Variants in CMSS1 observed in about 807,000 individuals in gnomAD.
The protein encoded by CMSS1 is protein CMSS1.
A neutral mutation model predicts 43.5 loss-of-function variants in CMSS1; 33 were observed. The ratio of observed to expected loss-of-function variants is 0.76; its 90% CI spans 0.57 to 1.01. The LOEUF is 1.01. CMSS1 is among the 50% of genes least tolerant of loss of function. CMSS1 has a pLI of 0.00. For synonymous variants in CMSS1, 115 were observed against 117.2 expected, an observed-to-expected ratio of 0.98 and a Z score of 0.12; for missense variants, 313 against 326.4, an observed-to-expected ratio of 0.96 and a Z score of 0.32.
At chr3:99,995,738 G>A (rs147160495) in intron 1 of CMSS1, among the ~76,000 whole-genome samples, 86 of 152,320 alleles carry the variant, frequency 5.6e-4, no homozygotes, top group African/African-American at 1.9e-3. Context: ...TCAACACCAC[G>A]TGGAAGCTGC....
chr3:100,119,674 A>G (rs931730761), intron 1 of CMSS1, among the ~76,000 whole-genome samples: 2 of 152,252 alleles, frequency 1.3e-5, no homozygotes, highest in African/African-American at 2.4e-5. Context: ...AAGCAACTTC[A>G]GAACAGCATC....
chr3:99,839,780 A>G (rs1943049976), intron 1 of CMSS1, among the ~76,000 whole-genome samples: 1 of 152,220 alleles, frequency 6.6e-6, no homozygotes, highest in East Asian at 1.9e-4. Context: ...CAATTATGCA[A>G]CAAAACTCTT....
intron 1 of CMSS1, among the ~76,000 whole-genome samples, chr3:99,919,089 G>T (rs1376442926): frequency 6.6e-6 from 1 of 152,054 alleles, no homozygotes; most frequent in South Asian, 2.1e-4. Context: ...TATACCCACT[G>T]TGTATTGCTT....
At chr3:100,041,596 TA>T (rs1405874820) in intron 1 of CMSS1, among the ~76,000 whole-genome samples, 1 of 150,596 alleles carries the variant, frequency 6.6e-6, no homozygotes, top group Non-Finnish European at 1.5e-5. Flanking sequence ...ACAAAAAAAA[TA>T]AAAATAAAAA....
At chr3:100,040,790 A>T (rs2065191810) in intron 1 of CMSS1, 1 of 152,196 alleles carries the variant, frequency 6.6e-6, no homozygotes, top group Non-Finnish European at 1.5e-5. Context: ...CATCACAGCC[A>T]AGTTGACATT....
intron 1 of CMSS1, among the ~76,000 whole-genome samples, chr3:100,054,529 T>TGTTATGTC (rs2065430623): frequency 1.3e-5 from 2 of 151,592 alleles, no homozygotes; most frequent in Admixed American, 1.3e-4. Context: ...TATGTTATGT[T>TGTTATGTC]ATGTTATGTT....
At chr3:99,995,654 C>T (rs1261435496) in intron 1 of CMSS1, among the ~76,000 whole-genome samples, 2 of 152,214 alleles carry the variant, frequency 1.3e-5, no homozygotes, top group South Asian at 2.1e-4. Context: ...GGCATCCAGG[C>T]GTTTCCATAC....
At chr3:100,158,519 A>G (rs1482900940) in intron 2 of CMSS1, among the ~76,000 whole-genome samples, 3 of 152,242 alleles carry the variant, frequency 2.0e-5, no homozygotes, top group Non-Finnish European at 4.4e-5. Flanking sequence ...GGATTTCTCC[A>G]TAAAGTCATC....
chr3:99,836,332 T>C (rs1942894018), intron 1 of CMSS1, among the ~76,000 whole-genome samples: 1 of 152,130 alleles, frequency 6.6e-6, no homozygotes, highest in Non-Finnish European at 1.5e-5. Flanking sequence ...GGGAAGGTGA[T>C]GGACCATCAA....
chr3:99,944,990 G>A (rs1559698555), intron 1 of CMSS1, among the ~76,000 whole-genome samples: 1 of 152,188 alleles, frequency 6.6e-6, no homozygotes, highest in Admixed American at 6.5e-5. Context: ...CTAGGCAGTA[G>A]GGAGGGAGTT....
intron 1 of CMSS1, among the ~76,000 whole-genome samples, chr3:99,870,616 G>T (rs1944740201): frequency 6.6e-6 from 1 of 152,080 alleles, no homozygotes; most frequent in Non-Finnish European, 1.5e-5. Context: ...TTAGTTGCTG[G>T]GCCTGTTTTC....
intron 1 of CMSS1, among the ~76,000 whole-genome samples, chr3:100,125,586 C>A (rs1282206982): frequency 1.3e-5 from 2 of 152,214 alleles, no homozygotes; most frequent in African/African-American, 4.8e-5. Context: ...TAATTAATTT[C>A]ATATGACATA....
intron 7 of CMSS1, 21 bp downstream of exon 7, chr3:100,171,920 T>A (rs567692676): frequency 1.9e-6 from 3 of 1,591,384 alleles, no homozygotes; most frequent in African/African-American, 2.7e-5. Flanking sequence ...GCCTGTGTGA[T>A]CCCTAAAGGC....
chr3:100,139,571 A>G (rs1441129155), intron 1 of CMSS1, among the ~76,000 whole-genome samples: 6 of 144,110 alleles, frequency 4.2e-5, no homozygotes, highest in Admixed American at 1.4e-4. Flanking sequence ...GTGTGTATGT[A>G]TATATATGTG....
At chr3:99,898,718 A>T (rs1279499089) in intron 1 of CMSS1, 2 of 154,782 alleles carry the variant, frequency 1.3e-5, no homozygotes, top group African/African-American at 4.9e-5. Flanking sequence ...GTGAGCCAAG[A>T]TCATGCCATT....
rs1344596725 is a variant in CMSS1 at position 99,853,586 on chromosome 3, A to C, written c.64+35543A>C. Among the ~76,000 whole-genome samples the C allele has an allele frequency of 2.6e-5, 4 of 152,236 alleles. No homozygotes were observed. The South Asian group carries it at 6.2e-4, about 24-fold the overall frequency. The stretch of plus-strand genomic sequence containing the variant: ...TTTGTTCAGTGTTTTTGGAGTAGGC[A>C]TGATGCATATTTTTCAGCCTGGGGC... On this transcript the variant is annotated intron_variant, in intron 1 of 9. Transcript: ENST00000421999.
intron 1 of CMSS1, among the ~76,000 whole-genome samples, chr3:99,929,354 T>C (rs1385561683): frequency 2.0e-5 from 3 of 152,254 alleles, no homozygotes; most frequent in South Asian, 4.1e-4. Flanking sequence ...ATCTAAAATA[T>C]ATGTTTTTAA....
chr3:100,135,345 T>C (rs1193574348), intron 1 of CMSS1, among the ~76,000 whole-genome samples: 1 of 151,980 alleles, frequency 6.6e-6, no homozygotes, highest in African/African-American at 2.4e-5. Flanking sequence ...GGAAGAAGGA[T>C]TGGGAGCTTT....
At chr3:99,906,240 G>A (rs1299002203) in intron 1 of CMSS1, among the ~76,000 whole-genome samples, 1 of 152,058 alleles carries the variant, frequency 6.6e-6, no homozygotes, top group African/African-American at 2.4e-5. Context: ...TAGGGCTGTA[G>A]TACTCCCTCG....
Sources: allele counts gnomAD v4.1 joint callset (sites outside exome capture counted in the v4.1 genomes callset), GRCh38; gene constraint gnomAD v4.1.1; transcripts MANE v1.5; gene names NCBI Gene and HGNC (gene_info 2026-07-23, HGNC 2026-07-21).